The following MBOAT2 variants were observed in gnomAD, a reference collection of about 807,000 sequenced individuals.
The protein encoded by MBOAT2 is membrane bound glycerophospholipid O-acyltransferase 2, also known as membrane-bound glycerophospholipid O-acyltransferase 2.
In MBOAT2, 28 loss-of-function variants were observed where a neutral mutation model predicts 63.4. The observed-to-expected ratio is 0.44, with a 90% CI of 0.33 to 0.61. The LOEUF is 0.61. Among genes scored for constraint, MBOAT2 ranks in the 20% least tolerant of loss-of-function variants. MBOAT2 has a pLI of 0.03. For synonymous variants in MBOAT2, 211 were observed against 215.6 expected, an observed-to-expected ratio of 0.98 and a Z score of 0.19; for missense variants, 470 against 605.8, an observed-to-expected ratio of 0.78 and a Z score of 2.35.
At chr2:8,957,322 T>C (rs983343652) in intron 2 of MBOAT2, among the ~76,000 whole-genome samples, 3 of 152,168 alleles carry the variant, frequency 2.0e-5, no homozygotes, top group African/African-American at 7.2e-5. Context: ...TGTGATGATA[T>C]AAATGTGATG....
At chr2:8,987,810 C>G (rs1275065581) in intron 1 of MBOAT2, among the ~76,000 whole-genome samples, 1 of 152,166 alleles carries the variant, frequency 6.6e-6, no homozygotes, top group Non-Finnish European at 1.5e-5. Context: ...TTTGTTTGAA[C>G]ATACACACAC....
At chr2:8,883,321 G>A (rs182562060) in intron 5 of MBOAT2, among the ~76,000 whole-genome samples, 220 of 152,122 alleles carry the variant, frequency 1.4e-3, no homozygotes, top group Middle Eastern at 6.8e-3. Flanking sequence ...GCCAACTAAC[G>A]TGAAATGTTA....
At chr2:8,886,744 A>T (rs1225551193) in intron 5 of MBOAT2, among the ~76,000 whole-genome samples, 4 of 152,208 alleles carry the variant, frequency 2.6e-5, no homozygotes, top group Non-Finnish European at 4.4e-5. Flanking sequence ...TTGTCATCAG[A>T]TACTTCTAGA....
chr2:8,979,322 A>T (rs1356782061), intron 1 of MBOAT2, among the ~76,000 whole-genome samples: 1 of 152,160 alleles, frequency 6.6e-6, no homozygotes, highest in Non-Finnish European at 1.5e-5. Flanking sequence ...TAAATGAACC[A>T]ATTTAGGCAT....
intron 8 of MBOAT2, among the ~76,000 whole-genome samples, chr2:8,869,208 A>ATTT (rs750568440): frequency 3.2e-5 from 4 of 124,958 alleles, no homozygotes; most frequent in East Asian, 2.3e-4. Context: ...CATCATGCCT[A>ATTT]TTTTTTTTTT....
chr2:8,890,026 C>T (rs1194872604), intron 4 of MBOAT2, among the ~76,000 whole-genome samples: 1 of 151,970 alleles, frequency 6.6e-6, no homozygotes, highest in East Asian at 1.9e-4. Context: ...GGATGGGTGA[C>T]GTGTAGCTAG....
At chr2:8,894,250 T>C (rs999399721) in intron 4 of MBOAT2, among the ~76,000 whole-genome samples, 10 of 152,190 alleles carry the variant, frequency 6.6e-5, no homozygotes, top group African/African-American at 1.9e-4. Context: ...ACACATACAT[T>C]CAGGGAGAAA....
Position 8,856,739 on chromosome 2 carries a change from G to A in MBOAT2, c.*1940C>T, listed in dbSNP as rs1056224672. 1.3e-5 allele frequency: 2 copies of A among 152,072 alleles called. No homozygotes were observed. The highest frequency in any genetic ancestry group is 4.8e-5 in the African/African-American group (2 of 41,344). 9.4% of individuals were successfully genotyped at this position (152,072 alleles called of 1,614,324 possible). A position where few individuals can be genotyped will look rare whatever the true frequency, so the allele number is the denominator to read the frequency against. ...CCGTCTAATTTTTGTGTTTTCAGTA[G>A]AGACGGGGATTCACCACGTTGGCCA... On this transcript the variant is annotated 3_prime_UTR_variant, in exon 13 of 13. Coordinates refer to ENST00000305997, the MANE Select transcript of MBOAT2 (RefSeq NM_138799.4). The surrounding 1 kb of genome is among the most constrained non-coding windows in gnomAD (Gnocchi z 4.2).
At chr2:8,866,351 T>C (rs10187943) in intron 9 of MBOAT2, among the ~76,000 whole-genome samples, 2,888 of 152,252 alleles carry the variant, frequency 0.019, 35 homozygotes, top group Middle Eastern at 0.037. Flanking sequence ...GGGGAAATTA[T>C]TAGGAAAAGA....
chr2:8,897,940 C>T (rs1664606250), intron 4 of MBOAT2, among the ~76,000 whole-genome samples: 1 of 152,156 alleles, frequency 6.6e-6, no homozygotes, highest in South Asian at 2.1e-4. Context: ...CCTAGTATGC[C>T]ATTTACATCA....
At chr2:8,901,339 G>A (rs1003937200) in intron 4 of MBOAT2, among the ~76,000 whole-genome samples, 2 of 152,128 alleles carry the variant, frequency 1.3e-5, no homozygotes, top group Non-Finnish European at 2.9e-5. Context: ...GTCAGATTTA[G>A]TGGCCCTTAC....
chr2:8,905,659 G>A (rs985314147), intron 4 of MBOAT2, among the ~76,000 whole-genome samples: 7 of 152,122 alleles, frequency 4.6e-5, no homozygotes, highest in Admixed American at 4.6e-4. Context: ...CTGTTGTGTG[G>A]TGGGGGGATG....
chr2:8,923,039 T>C (rs931592683), intron 3 of MBOAT2, among the ~76,000 whole-genome samples: 4 of 152,374 alleles, frequency 2.6e-5, no homozygotes, highest in Middle Eastern at 3.4e-3. Context: ...CAGGCTAAAC[T>C]GCTTTTGCTC....
chr2:8,903,303 A>G (rs866987838), intron 4 of MBOAT2, among the ~76,000 whole-genome samples: 6 of 152,210 alleles, frequency 3.9e-5, no homozygotes, highest in Non-Finnish European at 5.9e-5. Context: ...GCTGCCTACA[A>G]AAGTACCTGG....
intron 1 of MBOAT2, among the ~76,000 whole-genome samples, chr2:8,971,183 T>C (rs1248324029): frequency 1.3e-5 from 2 of 152,212 alleles, no homozygotes; most frequent in Admixed American, 6.5e-5. Flanking sequence ...CAAGTGGGCT[T>C]CAACCCTGGG....
rs56004479 is a variant in MBOAT2, at chr2:8,929,330, GTTCATTCATTCA to G, written c.299+13845_299+13856del. ...CATGGCTCTTACATTTTATTTATTT[GTTCATTCATTCA>G]TTCATTCATTCATTCATTCATTCAT... On this transcript the variant is annotated intron_variant, in intron 3 of 12. Transcript: ENST00000305997. 8.2e-4 allele frequency among the ~76,000 whole-genome samples: 124 copies of G among 151,490 alleles called. 1 individual carries two copies. In the East Asian group the frequency reaches 0.019, roughly 24 times the overall value.
At chr2:8,919,585 G>C (rs1463814803) in intron 3 of MBOAT2, among the ~76,000 whole-genome samples, 1 of 152,062 alleles carries the variant, frequency 6.6e-6, no homozygotes, top group Non-Finnish European at 1.5e-5. Context: ...TCTTAGTATT[G>C]ATTGTACGAG....
At chr2:8,953,139 G>A (rs888280741) in intron 2 of MBOAT2, among the ~76,000 whole-genome samples, 1 of 152,078 alleles carries the variant, frequency 6.6e-6, no homozygotes, top group Non-Finnish European at 1.5e-5. Context: ...ACTCCCTTAA[G>A]GATCTAAGGC....
chr2:9,003,538 A>G lies in MBOAT2; in HGVS notation c.75+2T>C. 8.3e-7 allele frequency: 1 copy of G among 1,210,174 alleles called. No individual in the cohort carries two copies. Among genetic ancestry groups the G allele is most frequent in the Non-Finnish European group, 1.0e-6 (1 of 970,464 alleles). The allele number at this position is 1,210,174 out of a possible 1,614,324, so 75.0% of individuals were successfully genotyped here. A position where few individuals can be genotyped will look rare whatever the true frequency, so the allele number is the denominator to read the frequency against. On this transcript the variant is annotated splice_donor_variant, in intron 1 of 12. Coordinates refer to ENST00000305997, the MANE Select transcript of MBOAT2 (RefSeq NM_138799.4). LOFTEE classifies it high-confidence loss of function. This position sits in a 1 kb window ranked among gnomAD's most constrained non-coding sequence, Gnocchi z 5.4. ...GCCCGGCGCCAGGGCGCCTCGGGGTACCTGGTCGATGGGCAGCTGCACGGC... is the reference window on the plus strand; with the variant it reads ...GCCCGGCGCCAGGGCGCCTCGGGGTGCCTGGTCGATGGGCAGCTGCACGGC...
Sources: gnomAD v4.1 joint callset for allele counts (sites outside exome capture counted in the v4.1 genomes callset) on GRCh38, gnomAD v4.1.1 for gene constraint, Gnocchi (gnomAD v3.1) non-coding constraint, MANE v1.5 for transcripts, NCBI Gene and HGNC (gene_info 2026-07-23, HGNC 2026-07-21) for gene names.